ELP4: variants seen among roughly 807,000 people sequenced by gnomAD.
The protein encoded by ELP4 is elongator acetyltransferase complex subunit 4.
A neutral mutation model predicts 48.9 loss-of-function variants in ELP4; 51 were observed. The ratio of observed to expected loss-of-function variants is 1.04; its 90% CI spans 0.83 to 1.32. The LOEUF is 1.32. Among genes scored for constraint, ELP4 ranks in the 40% most tolerant of loss-of-function variants. The pLI, the probability that ELP4 is intolerant of heterozygous loss-of-function variation, is 0.00. For missense variants in ELP4, 519 were observed against 514.6 expected (o/e 1.01, Z -0.08); for synonymous variants, 210 against 189.2 (o/e 1.11, Z -0.90).
chr11:31,526,959 T>C (rs1956304807), intron 2 of ELP4, among the ~76,000 whole-genome samples: 1 of 152,052 alleles, frequency 6.6e-6, no homozygotes, highest in Admixed American at 6.6e-5. Context: ...GCCTTTTGTA[T>C]AGTCTGTACT....
At chr11:31,593,510 C>T (rs1474183580) in intron 3 of ELP4, among the ~76,000 whole-genome samples, 1 of 151,982 alleles carries the variant, frequency 6.6e-6, no homozygotes, top group East Asian at 1.9e-4. Context: ...CCTCCCAAAG[C>T]GCTAGGATTA....
intron 3 of ELP4, among the ~76,000 whole-genome samples, chr11:31,555,869 A>C (rs1027800293): frequency 6.6e-6 from 1 of 152,004 alleles, no homozygotes; most frequent in African/African-American, 2.4e-5. Context: ...TAGTCCAACA[A>C]TGAATGACCA....
At chr11:31,583,692 A>G (rs943501279) in intron 3 of ELP4, among the ~76,000 whole-genome samples, 2 of 152,262 alleles carry the variant, frequency 1.3e-5, no homozygotes, top group African/African-American at 2.4e-5. Context: ...TCTGGTTGAT[A>G]TAAGTGAAAA....
In ELP4 at chr11:31,789,297, GAC is replaced by G. The variant is rs1592342258; in HGVS notation, c.*5778_*5779del. 4.7e-5 allele frequency: 11 copies of G among 234,390 alleles called. No individual in the cohort carries two copies. The South Asian group carries it at 1.7e-3, about 36-fold the overall frequency. 14.5% of individuals were successfully genotyped at this position (234,390 alleles called of 1,614,324 possible). On this transcript the variant is annotated 3_prime_UTR_variant, in exon 10 of 10. Coordinates refer to ENST00000640961, the MANE Select transcript of ELP4 (RefSeq NM_019040.5). Reference sequence around the variant, plus strand: ...ATAAAACAAATTGGATTATATCGAAGACACACTCTACCTTTTAGCTATCAACT... The same window carrying G: ...ATAAAACAAATTGGATTATATCGAAGACACTCTACCTTTTAGCTATCAACT...
rs993012309 is a variant in ELP4, at chr11:31,646,468, G to A, written c.928-1273G>A. 4.0e-5 allele frequency: 6 copies of A among 151,798 alleles called. No homozygotes were observed. The South Asian group carries it at 1.2e-3, about 32-fold the overall frequency. The allele number at this position is 151,798 out of a possible 1,614,324, so 9.4% of individuals were successfully genotyped here. ...TATGTGTTTCATAATACCAAGTCAG[G>A]TAACATTGACCAGCCCTCTTTAATT... On this transcript the variant is annotated intron_variant, in intron 7 of 9. Transcript: ENST00000640961.
chr11:31,666,447 A>T (rs1233125004), intron 9 of ELP4, among the ~76,000 whole-genome samples: 1 of 152,152 alleles, frequency 6.6e-6, no homozygotes, highest in Non-Finnish European at 1.5e-5. Context: ...TAATCCCAGC[A>T]CTTTGGGAGG....
intron 9 of ELP4, among the ~76,000 whole-genome samples, chr11:31,783,055 C>T (rs1405738327): frequency 2.0e-5 from 3 of 152,170 alleles, no homozygotes; most frequent in Admixed American, 6.5e-5. Context: ...GTTATTTATG[C>T]GATATTTCCA....
At chr11:31,562,075 T>C (rs1048278534) in intron 3 of ELP4, among the ~76,000 whole-genome samples, 14 of 152,190 alleles carry the variant, frequency 9.2e-5, no homozygotes, top group Non-Finnish European at 1.8e-4. Context: ...GACATATTGC[T>C]GGGACCTCGA....
intron 9 of ELP4, chr11:31,653,150 C>T (rs988074572): frequency 3.3e-5 from 5 of 151,464 alleles, no homozygotes; most frequent in South Asian, 2.1e-4. Context: ...AAATTTTTGC[C>T]GATACCTGTA....
At chr11:31,781,394 C>T (rs1293149156) in intron 9 of ELP4, among the ~76,000 whole-genome samples, 2 of 151,436 alleles carry the variant, frequency 1.3e-5, no homozygotes, top group Non-Finnish European at 2.9e-5. Context: ...TCTTTCCGTC[C>T]TGCTTCCTCA....
At position 31,724,824 on chromosome 11, in the gene ELP4, T is replaced by A. The variant is rs143574019; in HGVS notation, c.1144-58569T>A. Among the ~76,000 whole-genome samples the A allele has an allele frequency of 4.2e-3, 638 of 152,380 alleles. 5 individuals carry two copies. The highest frequency in any genetic ancestry group is 0.015 in the African/African-American group (611 of 41,598). On this transcript the variant is annotated intron_variant, in intron 9 of 9. Transcript: ENST00000640961. ...CCTGTCCCTTACATATATCTTTGTG[T>A]TATTCTGCAGCTTTGGGGTCACTTG... is the stretch of plus-strand genomic sequence containing the variant.
intron 5 of ELP4, among the ~76,000 whole-genome samples, chr11:31,622,544 CT>C (rs895351770): frequency 1.3e-5 from 2 of 151,156 alleles, no homozygotes; most frequent in African/African-American, 2.4e-5. Flanking sequence ...ACATCTGATT[CT>C]TTTTTTTACA....
chr11:31,716,830 T>G (rs1361927654), intron 9 of ELP4, among the ~76,000 whole-genome samples: 1 of 152,220 alleles, frequency 6.6e-6, no homozygotes, highest in African/African-American at 2.4e-5. Flanking sequence ...AAATAGAGAT[T>G]AATTAAGTGC....
chr11:31,772,463 G>A (rs1246753926), intron 9 of ELP4, among the ~76,000 whole-genome samples: 1 of 152,130 alleles, frequency 6.6e-6, no homozygotes, highest in Non-Finnish European at 1.5e-5. Context: ...TGTGTTGTCA[G>A]TCTCTCCTCG....
At chr11:31,535,783 T>TCAAAA (rs1956490638) in intron 2 of ELP4, among the ~76,000 whole-genome samples, 1 of 152,250 alleles carries the variant, frequency 6.6e-6, no homozygotes, top group Non-Finnish European at 1.5e-5. Context: ...TAACCTCTCC[T>TCAAAA]TTCTGTCATT....
chr11:31,680,354 C>T (rs1592217585), intron 9 of ELP4, among the ~76,000 whole-genome samples: 1 of 152,016 alleles, frequency 6.6e-6, no homozygotes, highest in Admixed American at 6.6e-5. Context: ...GGCAAGAATC[C>T]CATGTTGCTA....
chr11:31,766,118 G>T (rs530965917), intron 9 of ELP4, among the ~76,000 whole-genome samples: 1 of 152,032 alleles, frequency 6.6e-6, no homozygotes, highest in South Asian at 2.1e-4. Context: ...AATCAAAAAT[G>T]TGTACATTAA....
At chr11:31,730,396 C>T (rs1033584080) in intron 9 of ELP4, among the ~76,000 whole-genome samples, 6 of 152,130 alleles carry the variant, frequency 3.9e-5, no homozygotes, top group Non-Finnish European at 7.4e-5. Flanking sequence ...TAAAGGCAAG[C>T]CTTCATGACT....
intron 2 of ELP4, among the ~76,000 whole-genome samples, chr11:31,538,159 A>G (rs1956532414): frequency 1.3e-5 from 2 of 151,414 alleles, no homozygotes; most frequent in Admixed American, 1.3e-4. Context: ...ATGTAGAAGT[A>G]CAATCAATAT....
Sources: gnomAD v4.1 joint callset for allele counts (sites outside exome capture counted in the v4.1 genomes callset) on GRCh38, gnomAD v4.1.1 for gene constraint, MANE v1.5 for transcripts, NCBI Gene and HGNC (gene_info 2026-07-23, HGNC 2026-07-21) for gene names.